ZNF365: variants seen among roughly 807,000 people sequenced by gnomAD.
ZNF365 encodes zinc finger protein 365.
A neutral mutation model predicts 35.0 loss-of-function variants in ZNF365; 22 were observed. The observed-to-expected ratio is 0.63, with a 90% CI of 0.45 to 0.90. The LOEUF (loss-of-function observed/expected upper bound fraction) is 0.90, where lower values mean the gene tolerates loss of function less well. ZNF365 is among the 40% of genes least tolerant of loss of function. ZNF365 has a pLI of 0.00. For synonymous variants in ZNF365, 188 were observed against 196.2 expected (o/e 0.96, Z 0.35); for missense variants, 448 against 500.3 (o/e 0.90, Z 1.00).
chr10:62,479,671 C>T (rs182851679), intron 4 of ZNF365, among the ~76,000 whole-genome samples: 82 of 152,312 alleles, frequency 5.4e-4, no homozygotes, highest in Non-Finnish European at 9.6e-4. Context: ...ATCTCAATTA[C>T]AGACATTGCT....
At chr10:62,395,888 G>A (rs1432687124) in intron 3 of ZNF365, among the ~76,000 whole-genome samples, 1 of 152,064 alleles carries the variant, frequency 6.6e-6, no homozygotes, top group Admixed American at 6.5e-5. Context: ...TTAGTACAAG[G>A]CTATTTATAT....
intron 3 of ZNF365, among the ~76,000 whole-genome samples, chr10:62,440,693 C>T (rs1186683758): frequency 3.6e-4 from 55 of 152,146 alleles, no homozygotes; most frequent in Admixed American, 3.6e-3. Context: ...GTAAAAGTGT[C>T]ATCTCATTAT....
Position 62,388,252 on chromosome 10 carries a change from A to G in ZNF365, c.744-144A>G, listed in dbSNP as rs868244718. 1.2e-5 allele frequency: 9 copies of G among 749,432 alleles called. No individual in the cohort carries two copies. In the African/African-American group the frequency reaches 1.2e-4, roughly 10 times the overall value. 46.4% of individuals were successfully genotyped at this position (749,432 alleles called of 1,614,324 possible). ...ACAGTCTGTAAATGTAATCACAAAG[A>G]GGTGATTACCTCTCTCGTCATTGCC... On this transcript the variant is annotated intron_variant, in intron 2 of 4. Coordinates refer to ENST00000395254, the MANE Select transcript of ZNF365 (RefSeq NM_014951.3).
chr10:62,394,061 G>T (rs777407858), intron 3 of ZNF365, among the ~76,000 whole-genome samples: 2 of 152,126 alleles, frequency 1.3e-5, no homozygotes. Flanking sequence ...GTGTTTCATT[G>T]TCATACAGGT....
At chr10:62,428,312 G>C (rs901961809) in intron 3 of ZNF365, among the ~76,000 whole-genome samples, 2 of 152,076 alleles carry the variant, frequency 1.3e-5, no homozygotes, top group African/African-American at 4.8e-5. Flanking sequence ...TTGAATTGTA[G>C]TTCCCATAAT....
At chr10:62,405,912 C>T (rs1170641624), downstream of ZNF365, among the ~76,000 whole-genome samples, 1 of 152,170 alleles carries the variant, frequency 6.6e-6, no homozygotes, top group Middle Eastern at 3.2e-3. Context: ...CAGGAATGTA[C>T]TTTATTTTTA....
intron 3 of ZNF365, among the ~76,000 whole-genome samples, chr10:62,424,176 G>A (rs1262225326): frequency 6.6e-6 from 1 of 152,188 alleles, no homozygotes; most frequent in Non-Finnish European, 1.5e-5. Flanking sequence ...GCCTGTGAGT[G>A]AGTATGCTTA....
At chr10:62,441,535 T>C (rs1054432214) in intron 3 of ZNF365, among the ~76,000 whole-genome samples, 1 of 152,040 alleles carries the variant, frequency 6.6e-6, no homozygotes, top group African/African-American at 2.4e-5. Flanking sequence ...CCTTACTGAT[T>C]CTTGGGGCCT....
In ZNF365 at chr10:62,399,633, C is replaced by T; in HGVS notation, c.1068C>T (p.Ser356=). 1.9e-6 allele frequency: 3 copies of T among 1,614,182 alleles called. No individual in the cohort carries two copies. The highest frequency in any genetic ancestry group is 1.7e-6 in the Non-Finnish European group (2 of 1,180,038). The change falls in exon 5 of 5, where the codon AGC becomes AGT. Residue 356 remains serine (S), a synonymous_variant. Coordinates refer to ENST00000395254, the MANE Select transcript of ZNF365 (RefSeq NM_014951.3). ...AAAAGGCCAAGGATGACAGAGCCAG[C>T]ATGCAGCCTGCCAAGGCCATTCACG... ...HLKKAKDDRA[S]MQPAKAIHEQ... is the part of the protein sequence containing the mutation.
chr10:62,459,833 GT>G, intron 4 of ZNF365: 1 of 1,582,142 alleles, frequency 6.3e-7, no homozygotes, highest in Non-Finnish European at 8.6e-7. Context: ...GTTGGGCCTG[GT>G]TACAATAACC....
intron 3 of ZNF365, among the ~76,000 whole-genome samples, chr10:62,452,327 G>A (rs2078038332): frequency 6.6e-6 from 1 of 152,136 alleles, no homozygotes; most frequent in South Asian, 2.1e-4. Context: ...TCTGTATCAG[G>A]AATCAAGGAA....
rs1046355895 is a variant in ZNF365 at position 62,376,785 on chromosome 10, C to T, written c.592C>T (p.Arg198Trp). 1.5e-5 allele frequency: 25 copies of T among 1,614,032 alleles called. No homozygotes were observed. Among genetic ancestry groups the T allele is most frequent in the East Asian group, 2.2e-5 (1 of 44,896 alleles). Residue 198 changes from arginine (R) to tryptophan (W), a missense_variant, in exon 2 of 5, where the codon CGG becomes TGG. By Grantham distance (101) the Arg-to-Trp change is moderately radical. Coordinates refer to ENST00000395254, the MANE Select transcript of ZNF365 (RefSeq NM_014951.3). Reference sequence around the variant, plus strand: ...GAAAACTGCGGAACTGTTGGAAGTTCGGGCAGCTTTTGTGCAGCTGACTCA... The same window carrying T: ...GAAAACTGCGGAACTGTTGGAAGTTTGGGCAGCTTTTGTGCAGCTGACTCA... ...AQKTAELLEV[R>W]AAFVQLTQKK...
At chr10:62,392,565 T>C (rs951732398) in intron 3 of ZNF365, among the ~76,000 whole-genome samples, 1 of 152,188 alleles carries the variant, frequency 6.6e-6, no homozygotes, top group Non-Finnish European at 1.5e-5. Flanking sequence ...TTTGGCTTTA[T>C]TTCTGTGTTC....
chr10:62,443,362 C>T (rs1001449242), intron 3 of ZNF365, among the ~76,000 whole-genome samples: 1 of 152,170 alleles, frequency 6.6e-6, no homozygotes, highest in Non-Finnish European at 1.5e-5. Context: ...ATCACTCCTT[C>T]TTTTGTGTAT....
intron 3 of ZNF365, among the ~76,000 whole-genome samples, chr10:62,442,293 T>A (rs1427497631): frequency 6.6e-6 from 1 of 152,090 alleles, no homozygotes; most frequent in Non-Finnish European, 1.5e-5. Context: ...GGATCCCAAG[T>A]CGAAAGAGAG....
downstream of ZNF365, among the ~76,000 whole-genome samples, chr10:62,404,964 G>A (rs1418778931): frequency 3.3e-5 from 5 of 152,316 alleles, no homozygotes. Flanking sequence ...AAGTAGGGCT[G>A]AGGAGGTACA....
intron 3 of ZNF365, among the ~76,000 whole-genome samples, chr10:62,443,864 A>G (rs1455144165): frequency 6.6e-6 from 1 of 152,212 alleles, no homozygotes; most frequent in Non-Finnish European, 1.5e-5. Flanking sequence ...AACTTAAAAA[A>G]AAATTAAGCC....
intron 3 of ZNF365, 63 bp downstream of exon 3, chr10:62,388,639 GAC>G (rs1324257872): frequency 1.3e-6 from 2 of 1,582,838 alleles, no homozygotes; most frequent in African/African-American, 2.7e-5. Flanking sequence ...ATGGGCTGAG[GAC>G]AGAGAAAAGG....
chr10:62,401,253 T>C lies in ZNF365; in HGVS notation c.*1464T>C. On this transcript the variant is annotated 3_prime_UTR_variant, in exon 5 of 5. Coordinates refer to ENST00000395254, the MANE Select transcript of ZNF365 (RefSeq NM_014951.3). ...GTGGTTTTTAAACTATATATGTTTG[T>C]TCATGTAAACTGAATTCTCTTATTT... The C allele has an allele frequency of 1.0e-6, 1 of 985,414 alleles. No individual in the cohort carries two copies. The highest frequency in any genetic ancestry group is 1.2e-6 in the Non-Finnish European group (1 of 829,814). 61.0% of individuals were successfully genotyped at this position (985,414 alleles called of 1,614,324 possible).
Sources: allele counts gnomAD v4.1 joint callset (sites outside exome capture counted in the v4.1 genomes callset), GRCh38; gene constraint gnomAD v4.1.1; transcripts MANE v1.5; gene names NCBI Gene and HGNC (gene_info 2026-07-23, HGNC 2026-07-21).